The following KIF14 variants were observed in gnomAD, a reference collection of about 807,000 sequenced individuals.
The protein encoded by KIF14 is kinesin family member 14.
Under a neutral mutation model 176.2 loss-of-function variants are expected in KIF14, and 98 were observed. That is an observed-to-expected ratio of 0.56 (90% confidence interval 0.47 to 0.66). The LOEUF (loss-of-function observed/expected upper bound fraction) is 0.66, where lower values mean the gene tolerates loss of function less well. Among genes scored for constraint, KIF14 ranks in the 30% least tolerant of loss-of-function variants. The pLI is 0.00. For synonymous variants in KIF14, 566 were observed against 632.2 expected, an observed-to-expected ratio of 0.90 and a Z score of 1.57; for missense variants, 1,751 against 1,920.4, an observed-to-expected ratio of 0.91 and a Z score of 1.65.
chr1:200,578,673 T>C (rs991678427), intron 21 of KIF14, among the ~76,000 whole-genome samples: 2 of 152,058 alleles, frequency 1.3e-5, no homozygotes, highest in African/African-American at 4.8e-5. Flanking sequence ...TAAAAATGCC[T>C]GTATAACAAA....
intron 2 of KIF14, 82 bp downstream of exon 2, chr1:200,617,530 A>C: frequency 1.5e-6 from 2 of 1,369,922 alleles, no homozygotes; most frequent in Admixed American, 4.6e-5. Flanking sequence ...GCACGAATAC[A>C]CTGACCTTCC....
Position 200,575,704 on chromosome 1 carries a change from T to A in KIF14, c.3466-13A>T. The A allele has an allele frequency of 1.4e-6, 2 of 1,397,086 alleles. No individual in the cohort carries two copies. The highest frequency in any genetic ancestry group is 1.5e-5 in the South Asian group (1 of 64,716). 86.5% of individuals were successfully genotyped at this position (1,397,086 alleles called of 1,614,324 possible). On this transcript the variant is annotated splice_polypyrimidine_tract_variant and intron_variant, in intron 21 of 29. Transcript: ENST00000367350. ...TACTACCATTACTCTAAGAAAAATA[T>A]AATATATAGTTTCAGTAAATTTGGG...
rs779218691 is a variant in KIF14, at chr1:200,600,399, T to A, written c.2257A>T (p.Met753Leu). Residue 753 changes from methionine (M) to leucine (L), a missense_variant, in exon 12 of 30, where the codon ATG becomes TTG. Transcript: ENST00000367350. ...TCTCTCTCCTGTTGATGCAGTTTCA[T>A]TCTTAAGGATGTTATTTCTTGCCGA... is the stretch of plus-strand genomic sequence containing the variant. ...LCRQEITSLR[M>L]KLHQQERDMA... 4 of 1,613,822 alleles carry A rather than the reference T, an allele frequency of 2.5e-6. No individual in the cohort carries two copies. The highest frequency in any genetic ancestry group is 3.4e-6 in the Non-Finnish European group (4 of 1,179,830).
chr1:200,586,324 A>G (rs1658735541), intron 18 of KIF14, 97 bp from the exon 19 acceptor site: 1 of 1,020,918 alleles, frequency 9.8e-7, no homozygotes, highest in Non-Finnish European at 1.4e-6. Context: ...AATTTGCTTC[A>G]CTACAGTAAC....
intron 7 of KIF14, 22 bp downstream of exon 7, chr1:200,605,842 A>G: frequency 6.9e-7 from 1 of 1,451,782 alleles, no homozygotes; most frequent in Middle Eastern, 1.8e-4. Context: ...ATCTAGTGAA[A>G]AGAAAACAAA....
intron 21 of KIF14, among the ~76,000 whole-genome samples, chr1:200,579,284 C>A (rs1467411773): frequency 6.6e-6 from 1 of 151,938 alleles, no homozygotes; most frequent in Admixed American, 6.6e-5. Context: ...GCCTGGGCAA[C>A]ACAGCAAGAC....
intron 18 of KIF14, among the ~76,000 whole-genome samples, chr1:200,588,377 A>T (rs1571517833): frequency 1.3e-5 from 2 of 151,786 alleles, no homozygotes; most frequent in Admixed American, 1.3e-4. Context: ...AGTAGCTGGG[A>T]CTACAGGTGT....
At chr1:200,579,966 TA>T (rs1163455244) in intron 21 of KIF14, among the ~76,000 whole-genome samples, 2 of 152,052 alleles carry the variant, frequency 1.3e-5, no homozygotes, top group African/African-American at 4.8e-5. Context: ...GTAAAAATTT[TA>T]AAAATATACA....
chr1:200,561,024 A>T, intron 25 of KIF14, 144 bp from the exon 26 acceptor site: 2 of 663,936 alleles, frequency 3.0e-6, no homozygotes, highest in South Asian at 1.8e-5. Context: ...TGAGGTCAGG[A>T]GTTCAAGATC....
chr1:200,580,343 G>C lies in KIF14; in HGVS notation c.3376C>G (p.Arg1126Gly), dbSNP rs749592963. 1.3e-6 allele frequency: 2 copies of C among 1,519,498 alleles called. No homozygotes were observed. Among genetic ancestry groups the C allele is most frequent in the Admixed American group, 1.9e-5 (1 of 52,642 alleles). 94.1% of individuals were successfully genotyped at this position (1,519,498 alleles called of 1,614,324 possible). A position where few individuals can be genotyped will look rare whatever the true frequency, so the allele number is the denominator to read the frequency against. The stretch of plus-strand genomic sequence containing the variant: ...ATTCCTAGTTTCAGGTTACGAACCC[G>C]AATAGAAGTGTCAGAACTACTTTTA... Reference protein sequence around the residue: ...SDKSSSDTSIRVRNLKLGIST... With the variant: ...SDKSSSDTSIGVRNLKLGIST... The change falls in exon 21 of 30, where the codon CGG (arginine) becomes GGG (glycine). Residue 1126 changes from arginine to glycine, a missense_variant. Arg to Gly is a moderately radical substitution (Grantham distance 125). Transcript: ENST00000367350.
In KIF14 at chr1:200,618,021, A is replaced by G. The variant is rs1353777901; in HGVS notation, c.703T>C (p.Leu235=). Residue 235 remains leucine (L), a synonymous_variant, in exon 2 of 30, where the codon TTG becomes CTG. Transcript: ENST00000367350. ...SQTEVVRSGH[L]TTKPTQSKLD... ...TTGCTCTGAGTAGGTTTCGTTGTCA[A>G]GTGTCCTGATCTAACAACTTCAGTC... 4 of 1,614,184 alleles carry G rather than the reference A, an allele frequency of 2.5e-6. No homozygotes were observed. The highest frequency in any genetic ancestry group is 3.4e-6 in the Non-Finnish European group (4 of 1,180,034).
intron 15 of KIF14, among the ~76,000 whole-genome samples, chr1:200,593,191 T>C (rs1659141648): frequency 6.6e-6 from 1 of 152,256 alleles, no homozygotes; most frequent in African/African-American, 2.4e-5. Context: ...CAAATTATTA[T>C]TTCAGTTAAT....
In KIF14 at chr1:200,560,742, T is replaced by C. The variant is rs1301489842; in HGVS notation, c.4210A>G (p.Asn1404Asp). Residue 1404 changes from asparagine to aspartate, a missense_variant, in exon 26 of 30, where the codon AAT becomes GAT. By Grantham distance (23) the Asn-to-Asp change is conservative. Transcript: ENST00000367350. Reference protein sequence around the residue: ...SKLHFLENGNNKAASVQEEFM... With the variant: ...SKLHFLENGNDKAASVQEEFM... ...ATTACCTGGACACTGGCAGCTTTAT[T>C]GTTACCGTTTTCTAGAAAATGTAGC... The C allele has an allele frequency of 1.2e-6, 2 of 1,614,232 alleles. No individual in the cohort carries two copies. The highest frequency in any genetic ancestry group is 1.6e-4 in the Middle Eastern group (1 of 6,062).
At chr1:200,590,037 C>CTTATAGGGACATAATCAACT in intron 17 of KIF14, 88 bp downstream of exon 17, 1 of 1,340,058 alleles carries the variant, frequency 7.5e-7, no homozygotes, top group Non-Finnish European at 1.0e-6. Context: ...TCCCAGTTCC[C>CTTATAGGGACATAATCAACT]TTATAGGGAC....
Position 200,603,352 on chromosome 1 carries a change from G to A in KIF14, c.1864-11C>T, listed in dbSNP as rs1558083555. ...AATACTCACACCTTCCTGCATGCAAGAAAAAAAAAATTTTTAACTTAAAAT... is the reference window on the plus strand; with the variant it reads ...AATACTCACACCTTCCTGCATGCAAAAAAAAAAAAATTTTTAACTTAAAAT... On this transcript the variant is annotated splice_polypyrimidine_tract_variant and intron_variant, in intron 9 of 29. Transcript: ENST00000367350. 23 of 1,362,758 alleles carry A rather than the reference G, an allele frequency of 1.7e-5. No homozygotes were observed. The highest frequency in any genetic ancestry group is 5.3e-5 in the South Asian group (4 of 74,788). The allele number at this position is 1,362,758 out of a possible 1,614,324, so 84.4% of individuals were successfully genotyped here.
chr1:200,553,793 T>C, intron 29 of KIF14, 26 bp from the exon 30 acceptor site: 3 of 1,545,026 alleles, frequency 1.9e-6, no homozygotes, highest in Non-Finnish European at 2.6e-6. Context: ...GAGGGAAAAG[T>C]TAATTAGCCT....
At chr1:200,606,667 C>T in intron 6 of KIF14, 79 bp downstream of exon 6, 1 of 1,256,748 alleles carries the variant, frequency 8.0e-7, no homozygotes, top group Non-Finnish European at 1.2e-6. Flanking sequence ...AATGAGAATA[C>T]AATAAAGATT....
chr1:200,605,159 C>G (rs1659809608), intron 8 of KIF14, 124 bp downstream of exon 8: 1 of 875,704 alleles, frequency 1.1e-6, no homozygotes, highest in Non-Finnish European at 1.8e-6. Flanking sequence ...AAAAAAATAC[C>G]TTGGTCTGGG....
intron 25 of KIF14, 41 bp downstream of exon 25, chr1:200,565,028 T>A: frequency 6.8e-7 from 1 of 1,475,296 alleles, no homozygotes; most frequent in Admixed American, 1.9e-5. Flanking sequence ...TAAATAATTA[T>A]TAAATGAATC....
Sources: allele counts gnomAD v4.1 joint callset (sites outside exome capture counted in the v4.1 genomes callset), GRCh38; gene constraint gnomAD v4.1.1; transcripts MANE v1.5; gene names NCBI Gene and HGNC (gene_info 2026-07-23, HGNC 2026-07-21).